The following AGMO variants were observed in gnomAD, a reference collection of about 807,000 sequenced individuals.
AGMO encodes alkylglycerol monooxygenase.
Under a neutral mutation model 60.2 loss-of-function variants are expected in AGMO, and 75 were observed. The observed-to-expected ratio is 1.25, with a 90% CI of 1.03 to 1.51. AGMO has a LOEUF of 1.51. Ranked by LOEUF, AGMO falls within the 40% of genes most tolerant of loss-of-function variation. The probability of loss-of-function intolerance (pLI) is 0.00; values close to 1 mark genes in which losing one functional copy is unlikely to be tolerated. For missense variants in AGMO, 763 were observed against 525.5 expected, an observed-to-expected ratio of 1.45 and a Z score of -4.42; for synonymous variants, 261 against 177.1, an observed-to-expected ratio of 1.47 and a Z score of -3.76.
the AGMO span, among the ~76,000 whole-genome samples, chr7:15,159,805 C>G: frequency 2.0e-5 from 3 of 152,180 alleles, no homozygotes. Flanking sequence ...ATGCGATTCT[C>G]AAGGTCCAAT....
intron 12 of AGMO, among the ~76,000 whole-genome samples, chr7:15,274,930 TTC>T (rs1195740863): frequency 6.6e-6 from 1 of 151,944 alleles, no homozygotes; most frequent in Non-Finnish European, 1.5e-5. Flanking sequence ...TACTTGAATC[TTC>T]TGTTTTTCTT....
At chr7:15,538,300 A>C (rs1159030999) in intron 3 of AGMO, among the ~76,000 whole-genome samples, 1 of 152,136 alleles carries the variant, frequency 6.6e-6, no homozygotes, top group Non-Finnish European at 1.5e-5. Context: ...TGGCACACTC[A>C]TAGCTCACTG....
chr7:15,316,288 C>T (rs1237585731), intron 12 of AGMO, among the ~76,000 whole-genome samples: 2 of 152,132 alleles, frequency 1.3e-5, no homozygotes, highest in African/African-American at 4.8e-5. Flanking sequence ...GTTCCTCTCC[C>T]ACCCCACATC....
At chr7:15,296,516 G>A (rs771874529) in intron 12 of AGMO, among the ~76,000 whole-genome samples, 1 of 152,106 alleles carries the variant, frequency 6.6e-6, no homozygotes, top group Non-Finnish European at 1.5e-5. Context: ...TCCTTTCCAA[G>A]AGAAGACAGC....
At chr7:15,260,023 GA>G (rs199615017) in intron 12 of AGMO, among the ~76,000 whole-genome samples, 15 of 136,348 alleles carry the variant, frequency 1.1e-4, no homozygotes, top group African/African-American at 3.8e-4. Flanking sequence ...ATAACACAAT[GA>G]AAAAAAAACC....
intron 3 of AGMO, among the ~76,000 whole-genome samples, chr7:15,483,289 T>C (rs1007824578): frequency 1.3e-5 from 2 of 152,146 alleles, no homozygotes; most frequent in African/African-American, 4.8e-5. Context: ...TTTAATGATA[T>C]AAAAAACATT....
chr7:15,337,582 TA>T (rs1483325153), intron 12 of AGMO, among the ~76,000 whole-genome samples: 1 of 151,998 alleles, frequency 6.6e-6, no homozygotes, highest in African/African-American at 2.4e-5. Flanking sequence ...CTACAACACA[TA>T]TGTAGAGAAG....
chr7:15,145,403 A>T, the AGMO span, among the ~76,000 whole-genome samples: 1 of 152,310 alleles, frequency 6.6e-6, no homozygotes, highest in African/African-American at 2.4e-5. Flanking sequence ...CAATAAAACT[A>T]AATGAAAATA....
chr7:15,238,809 C>T (rs1489366005), intron 12 of AGMO, among the ~76,000 whole-genome samples: 2 of 151,898 alleles, frequency 1.3e-5, no homozygotes, highest in African/African-American at 4.8e-5. Flanking sequence ...AATAAAATGT[C>T]ATAGAAAGTC....
At chr7:15,217,335 T>C (rs781652478) in intron 12 of AGMO, among the ~76,000 whole-genome samples, 1 of 151,802 alleles carries the variant, frequency 6.6e-6, no homozygotes, top group South Asian at 2.1e-4. Flanking sequence ...TTTAAATGCA[T>C]GAACACATAC....
chr7:15,264,192 C>T (rs1358008175), intron 12 of AGMO, among the ~76,000 whole-genome samples: 1 of 151,638 alleles, frequency 6.6e-6, no homozygotes, highest in Non-Finnish European at 1.5e-5. Flanking sequence ...TAAAAAACAA[C>T]CTTTTAAAAG....
intron 3 of AGMO, among the ~76,000 whole-genome samples, chr7:15,500,939 T>C (rs1783369529): frequency 6.6e-6 from 1 of 152,074 alleles, no homozygotes; most frequent in African/African-American, 2.4e-5. Context: ...CCCCTTAACT[T>C]CATTATTTAC....
chr7:15,202,845 G>T (rs1007528303), intron 12 of AGMO, among the ~76,000 whole-genome samples: 8 of 152,092 alleles, frequency 5.3e-5, no homozygotes, highest in Non-Finnish European at 1.2e-4. Flanking sequence ...ACTGCGCTGG[G>T]GGGAGTATTT....
intron 10 of AGMO, among the ~76,000 whole-genome samples, chr7:15,369,683 T>C (rs1428969388): frequency 6.6e-6 from 1 of 152,178 alleles, no homozygotes; most frequent in Non-Finnish European, 1.5e-5. Flanking sequence ...CGTATATATT[T>C]GTTGGTGCAT....
intron 12 of AGMO, among the ~76,000 whole-genome samples, chr7:15,265,655 T>G (rs980289730): frequency 6.6e-6 from 1 of 152,076 alleles, no homozygotes; most frequent in African/African-American, 2.4e-5. Context: ...AACAAGCTTT[T>G]GCCAGAATAT....
At chr7:15,172,138 T>C in the AGMO span, among the ~76,000 whole-genome samples, 1 of 152,194 alleles carries the variant, frequency 6.6e-6, no homozygotes, top group Non-Finnish European at 1.5e-5. Context: ...AAGTTAATTG[T>C]TTGTAGTTAG....
Position 15,560,284 on chromosome 7 carries a change from T to C in AGMO, c.127-13A>G. The stretch of plus-strand genomic sequence containing the variant: ...AAAATGGAGTTGCCTGGAAAGGAAG[T>C]TGCAGAAAAGAGATGCTATTATGTT... On this transcript the variant is annotated splice_polypyrimidine_tract_variant and intron_variant, in intron 1 of 12. Coordinates refer to ENST00000342526, the MANE Select transcript of AGMO (RefSeq NM_001004320.2). The C allele has an allele frequency of 3.7e-6, 6 of 1,610,782 alleles. No individual in the cohort carries two copies. The highest frequency in any genetic ancestry group is 1.3e-5 in the African/African-American group (1 of 74,880).
chr7:15,345,599 A>G (rs1476138143), intron 12 of AGMO, among the ~76,000 whole-genome samples: 2 of 152,204 alleles, frequency 1.3e-5, no homozygotes, highest in Non-Finnish European at 2.9e-5. Flanking sequence ...GAAAATGTCT[A>G]ATTTGCTACA....
intron 2 of AGMO, among the ~76,000 whole-genome samples, chr7:15,550,397 C>A (rs1235838076): frequency 6.6e-6 from 1 of 151,786 alleles, no homozygotes; most frequent in Admixed American, 6.6e-5. Context: ...TTGAAAGGAT[C>A]AACAAAATTG....
Sources: gnomAD v4.1 joint callset for allele counts (sites outside exome capture counted in the v4.1 genomes callset) on GRCh38, gnomAD v4.1.1 for gene constraint, MANE v1.5 for transcripts, NCBI Gene and HGNC (gene_info 2026-07-23, HGNC 2026-07-21) for gene names.